Variants in TRPM3 observed in about 807,000 individuals in gnomAD.
The protein encoded by TRPM3 is transient receptor potential cation channel subfamily M member 3.
Under a neutral mutation model 181.2 loss-of-function variants are expected in TRPM3, and 77 were observed. The observed-to-expected ratio is 0.42, with a 90% CI of 0.35 to 0.51. The LOEUF (loss-of-function observed/expected upper bound fraction) is 0.51, where lower values mean the gene tolerates loss of function less well. TRPM3 is among the 20% of genes least tolerant of loss of function. The pLI is 0.01. For missense variants in TRPM3, 1,759 were observed against 2,196.7 expected (o/e 0.80, Z 3.98); for synonymous variants, 745 against 796.4 (o/e 0.94, Z 1.09).
intron 1 of TRPM3, among the ~76,000 whole-genome samples, chr9:71,019,008 CA>C: frequency 6.6e-6 from 1 of 151,934 alleles, no homozygotes; most frequent in East Asian, 1.9e-4. Context: ...TAATTCACCA[CA>C]TTAACTAAAA....
chr9:71,111,053 A>T (rs371705096), intron 1 of TRPM3, among the ~76,000 whole-genome samples: 4 of 152,326 alleles, frequency 2.6e-5, no homozygotes, highest in African/African-American at 9.6e-5. Flanking sequence ...AATCAAACTG[A>T]AAAATATGCT....
chr9:70,986,319 G>GTGCCGCTGCACTGAGCTATGGTAA, intron 1 of TRPM3, among the ~76,000 whole-genome samples: 1 of 152,272 alleles, frequency 6.6e-6, no homozygotes, highest in African/African-American at 2.4e-5. Context: ...AGCTATGGTA[G>GTGCCGCTGCACTGAGCTATGGTAA]TGCCACTGCA....
intron 22 of TRPM3, among the ~76,000 whole-genome samples, chr9:70,554,405 G>T (rs1039446639): frequency 6.6e-6 from 1 of 152,114 alleles, no homozygotes; most frequent in East Asian, 1.9e-4. Flanking sequence ...TTTGATGATC[G>T]GCCAGGAAGA....
At chr9:70,936,521 T>C (rs1396224493) in intron 1 of TRPM3, among the ~76,000 whole-genome samples, 1 of 152,170 alleles carries the variant, frequency 6.6e-6, no homozygotes, top group African/African-American at 2.4e-5. Flanking sequence ...GAGCAATCGA[T>C]TTATTAGGAG....
chr9:71,045,535 T>A (rs2059334898), intron 1 of TRPM3, among the ~76,000 whole-genome samples: 1 of 152,210 alleles, frequency 6.6e-6, no homozygotes, highest in African/African-American at 2.4e-5. Flanking sequence ...GTGTACTGAA[T>A]AAATTCTTCC....
At chr9:71,223,114 C>T (rs1301459135) in intron 1 of TRPM3, among the ~76,000 whole-genome samples, 1 of 152,140 alleles carries the variant, frequency 6.6e-6, no homozygotes, top group Non-Finnish European at 1.5e-5. Context: ...TGTTCCACTC[C>T]TCCCCCCAAA....
chr9:71,284,701 A>G (rs1364118402), intron 1 of TRPM3, among the ~76,000 whole-genome samples: 1 of 152,232 alleles, frequency 6.6e-6, no homozygotes, highest in Non-Finnish European at 1.5e-5. Context: ...GGGAAATGTT[A>G]TTCACTAACA....
At chr9:70,874,488 G>T (rs913063874) in intron 1 of TRPM3, among the ~76,000 whole-genome samples, 1 of 151,908 alleles carries the variant, frequency 6.6e-6, no homozygotes, top group Admixed American at 6.6e-5. Flanking sequence ...CATATATTTG[G>T]TGTAGAGTAA....
intron 1 of TRPM3, among the ~76,000 whole-genome samples, chr9:71,281,451 G>A (rs568647074): frequency 6.6e-6 from 1 of 152,058 alleles, no homozygotes; most frequent in Non-Finnish European, 1.5e-5. Flanking sequence ...CTGGAATAAG[G>A]CTCCTTGGGA....
At chr9:70,968,805 C>G (rs1190722900) in intron 1 of TRPM3, among the ~76,000 whole-genome samples, 1 of 151,880 alleles carries the variant, frequency 6.6e-6, no homozygotes, top group African/African-American at 2.4e-5. Context: ...AACTGGCTAG[C>G]CATATGCAGA....
At chr9:70,621,369 G>T in intron 14 of TRPM3, 96 bp from the exon 15 acceptor site, 1 of 960,698 alleles carries the variant, frequency 1.0e-6, no homozygotes, top group South Asian at 1.9e-5. Flanking sequence ...GTTTTGTTTT[G>T]TTTTGTTTTT....
chr9:71,362,945 A>G (rs935887823), intron 1 of TRPM3, among the ~76,000 whole-genome samples: 3 of 152,232 alleles, frequency 2.0e-5, no homozygotes, highest in Non-Finnish European at 4.4e-5. Context: ...GCTGAAGAAT[A>G]TAAAGAGTGA....
At chr9:71,331,788 AGAGGAGAGGGAGGAGAAAGAC>A (rs1565470244) in intron 1 of TRPM3, among the ~76,000 whole-genome samples, 2 of 48,880 alleles carry the variant, frequency 4.1e-5, no homozygotes, top group African/African-American at 7.0e-5. Flanking sequence ...AGGAGGAAGA[AGAGGAGAGGGAGGAGAAAGAC>A]GAGGAGAGAG....
At chr9:70,697,846 T>G (rs1398216407) in intron 8 of TRPM3, among the ~76,000 whole-genome samples, 1 of 152,174 alleles carries the variant, frequency 6.6e-6, no homozygotes, top group African/African-American at 2.4e-5. Context: ...AATCCACAAT[T>G]TAGCCACTTC....
intron 1 of TRPM3, among the ~76,000 whole-genome samples, chr9:71,382,351 A>ATGCTAAGTAAAATT (rs1161676379): frequency 6.6e-6 from 1 of 152,164 alleles, no homozygotes; most frequent in Non-Finnish European, 1.5e-5. Flanking sequence ...GCGTCATTTC[A>ATGCTAAGTAAAATT]TGCTAAGTAA....
chr9:70,569,268 C>T (rs1382504574), intron 22 of TRPM3, among the ~76,000 whole-genome samples: 1 of 152,078 alleles, frequency 6.6e-6, no homozygotes, highest in East Asian at 1.9e-4. Flanking sequence ...ATAGATGGAC[C>T]CAAGAATAAG....
chr9:71,111,725 T>C (rs1047215943), intron 1 of TRPM3, among the ~76,000 whole-genome samples: 2 of 152,210 alleles, frequency 1.3e-5, no homozygotes, highest in Non-Finnish European at 2.9e-5. Flanking sequence ...ACTAGCACAA[T>C]AGAGCAAATA....
At chr9:70,807,034 C>G (rs555794114) in intron 6 of TRPM3, among the ~76,000 whole-genome samples, 78 of 152,258 alleles carry the variant, frequency 5.1e-4, no homozygotes, top group African/African-American at 1.7e-3. Context: ...CTAAATATAT[C>G]TCACTATAAA....
rs1565024759 is a variant in TRPM3 at position 71,032,082 on chromosome 9, T to TA, written c.177+89095dup. On this transcript the variant is annotated intron_variant, in intron 1 of 25. Transcript: ENST00000677713. ...ATTATATATATTATATTATATTATA[T>TA]ATATATAATTATATAATATTATATA... Among the ~76,000 whole-genome samples, 22 of 63,514 alleles carry TA rather than the reference T, an allele frequency of 3.5e-4. 2 individuals carry two copies. The highest frequency in any genetic ancestry group is 8.3e-4 in the East Asian group (2 of 2,420). 41.7% of individuals were successfully genotyped at this position (63,514 alleles called of 152,430 possible). A position where few individuals can be genotyped will look rare whatever the true frequency, so the allele number is the denominator to read the frequency against.
Sources: allele counts gnomAD v4.1 joint callset (sites outside exome capture counted in the v4.1 genomes callset), GRCh38; gene constraint gnomAD v4.1.1; transcripts MANE v1.5; gene names NCBI Gene and HGNC (gene_info 2026-07-23, HGNC 2026-07-21).